The following TSPEAR variants were observed in gnomAD, a reference collection of about 807,000 sequenced individuals.
TSPEAR encodes the protein thrombospondin type laminin G domain and EAR repeats.
In TSPEAR, 69 loss-of-function variants were observed where a neutral mutation model predicts 71.6. That is an observed-to-expected ratio of 0.96 (90% confidence interval 0.79 to 1.18). The LOEUF is 1.18. Ranked by LOEUF, TSPEAR falls within the 50% of genes most tolerant of loss-of-function variation. The pLI, the probability that TSPEAR is intolerant of heterozygous loss-of-function variation, is 0.00. For synonymous variants in TSPEAR, 402 were observed against 387.2 expected (o/e 1.04, Z -0.45); for missense variants, 971 against 894.9 (o/e 1.09, Z -1.09).
intron 2 of TSPEAR, among the ~76,000 whole-genome samples, chr21:44,538,002 G>A (rs781822918): frequency 9.2e-5 from 14 of 152,198 alleles, no homozygotes; most frequent in East Asian, 1.9e-4. Context: ...CAGCAACCAC[G>A]CAGACCCCGC....
chr21:44,658,813 G>A (rs1216946929), intron 1 of TSPEAR, among the ~76,000 whole-genome samples: 2 of 152,066 alleles, frequency 1.3e-5, no homozygotes, highest in Non-Finnish European at 2.9e-5. Context: ...CCTGGGACCC[G>A]GGTATAAAGA....
At chr21:44,580,387 G>A in intron 1 of TSPEAR, 7 of 1,613,384 alleles carry the variant, frequency 4.3e-6, no homozygotes, top group Non-Finnish European at 5.1e-6. Context: ...AGCTGGTGCA[G>A]CCTGATTGGC....
intron 2 of TSPEAR, among the ~76,000 whole-genome samples, chr21:44,548,706 G>A (rs1015505606): frequency 2.0e-5 from 3 of 152,168 alleles, no homozygotes; most frequent in African/African-American, 7.2e-5. Context: ...CTGATGTTCC[G>A]TGGAGGGACA....
intron 11 of TSPEAR, among the ~76,000 whole-genome samples, chr21:44,502,415 C>G (rs188370045): frequency 6.6e-6 from 1 of 152,314 alleles, no homozygotes; most frequent in African/African-American, 2.4e-5. Flanking sequence ...TTAAGAAAAG[C>G]TATTAGAACT....
intron 1 of TSPEAR, among the ~76,000 whole-genome samples, chr21:44,693,216 G>T (rs1987191131): frequency 6.6e-6 from 1 of 152,066 alleles, no homozygotes; most frequent in South Asian, 2.1e-4. Context: ...ACTCTAAATG[G>T]ATCAATGCCC....
chr21:44,667,315 T>C lies in TSPEAR; in HGVS notation c.82+44118A>G, dbSNP rs587706732. Among the ~76,000 whole-genome samples the C allele has an allele frequency of 2.7e-4, 41 of 152,236 alleles. No homozygotes were observed. In the Middle Eastern group the frequency reaches 0.014, roughly 51 times the overall value. ...TGGCTCAGGAAGGCTCCACAGTCAATGTGAGGTAGAACAGGACGTGTCTAG... is the reference window on the plus strand; with the variant it reads ...TGGCTCAGGAAGGCTCCACAGTCAACGTGAGGTAGAACAGGACGTGTCTAG... On this transcript the variant is annotated intron_variant, in intron 1 of 11. Transcript: ENST00000323084.
intron 1 of TSPEAR, chr21:44,627,979 C>T (rs1982982992): frequency 1.3e-6 from 2 of 1,529,362 alleles, no homozygotes; most frequent in Non-Finnish European, 1.8e-6. Flanking sequence ...CTGTGTGTCC[C>T]TTCTCTGCCG....
chr21:44,704,254 C>CCA (rs1163762674), intron 1 of TSPEAR, among the ~76,000 whole-genome samples: 1 of 152,028 alleles, frequency 6.6e-6, no homozygotes, highest in East Asian at 1.9e-4. Flanking sequence ...ACCCCACCCC[C>CCA]CCACCACTCT....
At chr21:44,632,606 C>A (rs587751369) in intron 1 of TSPEAR, among the ~76,000 whole-genome samples, 1 of 152,112 alleles carries the variant, frequency 6.6e-6, no homozygotes, top group South Asian at 2.1e-4. Flanking sequence ...GAGGCTGAGG[C>A]GGGCAGATCA....
At chr21:44,652,855 G>T (rs1219635547) in intron 1 of TSPEAR, among the ~76,000 whole-genome samples, 1 of 152,076 alleles carries the variant, frequency 6.6e-6, no homozygotes, top group Non-Finnish European at 1.5e-5. Flanking sequence ...CAAATATAGG[G>T]TTAAAATGTA....
intron 1 of TSPEAR, among the ~76,000 whole-genome samples, chr21:44,694,919 T>C (rs191183146): frequency 7.9e-4 from 121 of 152,258 alleles, no homozygotes; most frequent in Admixed American, 1.7e-3. Context: ...GAATGGCGTA[T>C]CTTCTAGCTC....
chr21:44,684,061 C>T (rs1601563461), intron 1 of TSPEAR, among the ~76,000 whole-genome samples: 1 of 152,200 alleles, frequency 6.6e-6, no homozygotes, highest in East Asian at 1.9e-4. Context: ...TGATGAAAAC[C>T]AAAAATGAAG....
chr21:44,697,558 C>G, intron 1 of TSPEAR: 1 of 1,613,966 alleles, frequency 6.2e-7, no homozygotes, highest in Non-Finnish European at 8.5e-7. Flanking sequence ...AGCCTGTGTG[C>G]TGTATGCCCG....
intron 2 of TSPEAR, among the ~76,000 whole-genome samples, chr21:44,534,467 G>T (rs2053053717): frequency 6.7e-6 from 1 of 150,206 alleles, no homozygotes. Flanking sequence ...GGTGTGTGAG[G>T]GGTGGGGCTG....
chr21:44,541,311 C>T (rs189605341), intron 2 of TSPEAR, among the ~76,000 whole-genome samples: 57 of 152,292 alleles, frequency 3.7e-4, no homozygotes, highest in African/African-American at 1.1e-3. Flanking sequence ...GCTCTGAACG[C>T]GATTCCATTG....
At chr21:44,639,074 C>T (rs1201559841) in intron 1 of TSPEAR, among the ~76,000 whole-genome samples, 1 of 152,202 alleles carries the variant, frequency 6.6e-6, no homozygotes, top group Non-Finnish European at 1.5e-5. Context: ...TGGGCAGGGA[C>T]CATGGCACCC....
At position 44,584,908 on chromosome 21, in the gene TSPEAR, A is replaced by G. The variant is rs116838387; in HGVS notation, c.83-16903T>C. Reference sequence around the variant, plus strand: ...TTTTTAGAACACAGTCCATTCATTTATATTTTCAAATTTTAGGATAAACAT... The same window carrying G: ...TTTTTAGAACACAGTCCATTCATTTGTATTTTCAAATTTTAGGATAAACAT... On this transcript the variant is annotated intron_variant, in intron 1 of 11. Transcript: ENST00000323084. Among the ~76,000 whole-genome samples the G allele has an allele frequency of 9.0e-3, 1,366 of 152,318 alleles. 25 individuals are homozygous for G. The highest frequency in any genetic ancestry group is 0.031 in the African/African-American group (1,299 of 41,554).
intron 1 of TSPEAR, among the ~76,000 whole-genome samples, chr21:44,576,111 T>A (rs1348588555): frequency 6.6e-6 from 1 of 152,222 alleles, no homozygotes; most frequent in Non-Finnish European, 1.5e-5. Context: ...TTATAAAACA[T>A]ACTCATAAAG....
At chr21:44,617,566 A>G (rs60166794) in intron 1 of TSPEAR, among the ~76,000 whole-genome samples, 3,811 of 152,326 alleles carry the variant, frequency 0.025, 159 homozygotes, top group African/African-American at 0.087. Context: ...TAGAAATACA[A>G]CTGCAGGCAA....
Sources: gnomAD v4.1 joint callset for allele counts (sites outside exome capture counted in the v4.1 genomes callset) on GRCh38, gnomAD v4.1.1 for gene constraint, MANE v1.5 for transcripts, NCBI Gene and HGNC (gene_info 2026-07-23, HGNC 2026-07-21) for gene names.